Variants in ALS2 observed in about 807,000 individuals in gnomAD.
The protein encoded by ALS2 is alsin Rho guanine nucleotide exchange factor ALS2, also known as alsin.
A neutral mutation model predicts 203.4 loss-of-function variants in ALS2; 117 were observed. The observed-to-expected ratio is 0.58, with a 90% CI of 0.50 to 0.67. The LOEUF is 0.67. ALS2 is among the 30% of genes least tolerant of loss of function. The probability of loss-of-function intolerance (pLI) is 0.00; values close to 1 mark genes in which losing one functional copy is unlikely to be tolerated. For missense variants in ALS2, 1,715 were observed against 1,989.4 expected, an observed-to-expected ratio of 0.86 and a Z score of 2.62; for synonymous variants, 718 against 725.9, an observed-to-expected ratio of 0.99 and a Z score of 0.17.
chr2:201,714,999 G>C (rs1393482586), intron 25 of ALS2, among the ~76,000 whole-genome samples: 1 of 152,186 alleles, frequency 6.6e-6, no homozygotes, highest in Admixed American at 6.5e-5. Context: ...AGGGACAGAT[G>C]GTGGGAGAAC....
chr2:201,713,609 T>G (rs1028035526), intron 25 of ALS2, among the ~76,000 whole-genome samples: 1 of 152,210 alleles, frequency 6.6e-6, no homozygotes, highest in Non-Finnish European at 1.5e-5. Context: ...ACTGAGTTCA[T>G]ACAATAAGTG....
chr2:201,728,987 G>T, intron 14 of ALS2, 65 bp downstream of exon 14: 2 of 1,610,368 alleles, frequency 1.2e-6, no homozygotes, highest in Non-Finnish European at 1.7e-6. Context: ...AGAGAAAATT[G>T]TATCAATTGT....
chr2:201,749,537 T>C (rs1692890671), intron 8 of ALS2, among the ~76,000 whole-genome samples, 175 bp downstream of exon 8: 1 of 152,162 alleles, frequency 6.6e-6, no homozygotes, highest in Non-Finnish European at 1.5e-5. Context: ...AAAAAACGGA[T>C]ATTTAGCTTG....
intron 1 of ALS2, among the ~76,000 whole-genome samples, chr2:201,780,309 T>C (rs1268049966): frequency 6.6e-6 from 1 of 152,244 alleles, no homozygotes; most frequent in African/African-American, 2.4e-5. Flanking sequence ...ATGAATTACT[T>C]GATAGGCTCA....
At chr2:201,770,251 G>A (rs1694317026) in intron 1 of ALS2, among the ~76,000 whole-genome samples, 1 of 152,152 alleles carries the variant, frequency 6.6e-6, no homozygotes, top group Non-Finnish European at 1.5e-5. Flanking sequence ...GGATGTGGAA[G>A]CACACAAGCA....
At chr2:201,707,187 TTATC>T (rs777727530) in intron 28 of ALS2, among the ~76,000 whole-genome samples, 165 bp from the exon 29 acceptor site, 2 of 152,188 alleles carry the variant, frequency 1.3e-5, no homozygotes, top group African/African-American at 2.4e-5. Flanking sequence ...TATGAGGACA[TTATC>T]TATAATTTTG....
chr2:201,733,872 G>A (rs1055253554), intron 12 of ALS2, among the ~76,000 whole-genome samples: 1 of 152,210 alleles, frequency 6.6e-6, no homozygotes, highest in Non-Finnish European at 1.5e-5. Flanking sequence ...CAGAATTAGT[G>A]TGGATATTAA....
At position 201,744,128 on chromosome 2, in the gene ALS2, T is replaced by TAC. The variant is rs1325697981; in HGVS notation, c.2170+128_2170+129dup. The TAC allele has an allele frequency of 1.5e-5, 16 of 1,034,136 alleles. No homozygotes were observed. In the East Asian group the frequency reaches 3.5e-4, roughly 22 times the overall value. 64.1% of individuals were successfully genotyped at this position (1,034,136 alleles called of 1,614,324 possible). On this transcript the variant is annotated intron_variant, in intron 10 of 33. Coordinates refer to ENST00000264276, the MANE Select transcript of ALS2 (RefSeq NM_020919.4). ...GTTTGTAAATTGTTGACTACCTGTG[T>TAC]ACACACACACAAAGACAGTGCATAG...
intron 26 of ALS2, 28 bp downstream of exon 26, chr2:201,710,963 G>C (rs1309011487): frequency 7.6e-7 from 1 of 1,315,058 alleles, no homozygotes; most frequent in East Asian, 2.3e-5. Flanking sequence ...TAATTCACAA[G>C]ACCAATGTAA....
At chr2:201,780,000 C>T (rs2106123203) in intron 1 of ALS2, 1 of 152,282 alleles carries the variant, frequency 6.6e-6, no homozygotes, top group South Asian at 2.1e-4. Context: ...AAACATATCA[C>T]ACAATTTTAT....
chr2:201,776,511 T>A (rs1694668362), intron 1 of ALS2, among the ~76,000 whole-genome samples: 1 of 152,192 alleles, frequency 6.6e-6, no homozygotes, highest in South Asian at 2.1e-4. Flanking sequence ...GTGATGAATA[T>A]TATAATACTA....
Position 201,772,989 on chromosome 2 carries a change from G to T in ALS2, c.-60-4044C>A, listed in dbSNP as rs187601418. Among the ~76,000 whole-genome samples, 25 of 151,306 alleles carry T rather than the reference G, an allele frequency of 1.7e-4. 1 individual carries two copies. Among genetic ancestry groups the T allele is most frequent in the Admixed American group, 1.6e-3 (24 of 15,138 alleles). On this transcript the variant is annotated intron_variant, in intron 1 of 33. Coordinates refer to ENST00000264276, the MANE Select transcript of ALS2 (RefSeq NM_020919.4). ...TGATTCTCCTGCCTCAGCCTCCCGAGTAGCTGGGATTACAGGTGCACACCA... is the reference window on the plus strand; with the variant it reads ...TGATTCTCCTGCCTCAGCCTCCCGATTAGCTGGGATTACAGGTGCACACCA...
intron 14 of ALS2, 23 bp from the exon 15 acceptor site, chr2:201,728,663 T>C (rs1462542821): frequency 6.2e-7 from 1 of 1,609,312 alleles, no homozygotes. Flanking sequence ...ACAAATATAA[T>C]ACAAGTCAAA....
intron 9 of ALS2, among the ~76,000 whole-genome samples, chr2:201,745,192 G>A (rs879870433): frequency 8.5e-5 from 13 of 152,156 alleles, no homozygotes; most frequent in Non-Finnish European, 1.6e-4. Context: ...GACACATCTT[G>A]GCCAATGTTG....
At chr2:201,733,125 C>T (rs756795701) in intron 13 of ALS2, 151 bp downstream of exon 13, 2 of 871,430 alleles carry the variant, frequency 2.3e-6, no homozygotes, top group Non-Finnish European at 3.5e-6. Context: ...TCATACTTTC[C>T]TCTGTCATTT....
chr2:201,760,987 A>G lies in ALS2; in HGVS notation c.1007T>C (p.Ile336Thr), dbSNP rs1409822254. The change falls in exon 4 of 34, where the codon ATA (isoleucine) becomes ACA (threonine). Residue 336 changes from isoleucine to threonine, a missense_variant. Around this residue, in one of 3 missense-constraint regions of ALS2, gnomAD observed 476 missense variants for 539.3 expected, o/e 0.88. Coordinates refer to ENST00000264276, the MANE Select transcript of ALS2 (RefSeq NM_020919.4). ...GTTEISSARN[I>T]PSYPDTQAVN... ...TGCTTGGGTGTCAGGGTATGATGGT[A>G]TGTTTCTGGCAGAGGAAATTTCAGT... The G allele has an allele frequency of 1.9e-6, 3 of 1,614,128 alleles. No individual in the cohort carries two copies. Among genetic ancestry groups the G allele is most frequent in the South Asian group, 2.2e-5 (2 of 91,086 alleles).
chr2:201,702,817 T>C (rs1165097425), intron 33 of ALS2, among the ~76,000 whole-genome samples: 1 of 152,198 alleles, frequency 6.6e-6, no homozygotes, highest in Non-Finnish European at 1.5e-5. Flanking sequence ...GTTTATTTAA[T>C]AGAAGTGTTA....
intron 1 of ALS2, among the ~76,000 whole-genome samples, chr2:201,780,448 C>A (rs1310673185): frequency 2.0e-5 from 3 of 152,230 alleles, no homozygotes; most frequent in Non-Finnish European, 4.4e-5. Context: ...CAGGGACACT[C>A]AGCAGGGTTC....
intron 3 of ALS2, among the ~76,000 whole-genome samples, chr2:201,764,362 T>C (rs1225650111): frequency 1.3e-5 from 2 of 152,144 alleles, no homozygotes; most frequent in Admixed American, 6.5e-5. Flanking sequence ...CTGGGTGCAG[T>C]GGCTCACGCC....
Sources: allele counts gnomAD v4.1 joint callset (sites outside exome capture counted in the v4.1 genomes callset), GRCh38; gene constraint gnomAD v4.1.1; regional missense constraint gnomAD v4.1.1; transcripts MANE v1.5; gene names NCBI Gene and HGNC (gene_info 2026-07-23, HGNC 2026-07-21).